The following LRRC8B variants were observed in gnomAD, a reference collection of about 807,000 sequenced individuals.
LRRC8B encodes volume-regulated anion channel subunit LRRC8B.
In LRRC8B, 23 loss-of-function variants were observed where a neutral mutation model predicts 58.8. The ratio of observed to expected loss-of-function variants is 0.39; its 90% CI spans 0.28 to 0.55. The LOEUF is 0.55. Among genes scored for constraint, LRRC8B ranks in the 20% least tolerant of loss-of-function variants. The pLI is 0.62. For missense variants in LRRC8B, 694 were observed against 936.0 expected (o/e 0.74, Z 3.37); for synonymous variants, 359 against 374.1 (o/e 0.96, Z 0.47).
intron 1 of LRRC8B, among the ~76,000 whole-genome samples, chr1:89,557,908 G>A (rs1652310897): frequency 6.6e-6 from 1 of 152,168 alleles, no homozygotes; most frequent in Admixed American, 6.5e-5. Flanking sequence ...ACTCTAACAT[G>A]TGCAGGGTTG....
chr1:89,562,827 A>T (rs1381988070), intron 1 of LRRC8B, among the ~76,000 whole-genome samples: 1 of 152,078 alleles, frequency 6.6e-6, no homozygotes, highest in East Asian at 1.9e-4. Flanking sequence ...GGGGGATCAC[A>T]TTCTCTCTCC....
At chr1:89,578,441 C>T (rs1654004475) in intron 3 of LRRC8B, among the ~76,000 whole-genome samples, 1 of 147,676 alleles carries the variant, frequency 6.8e-6, no homozygotes, top group Non-Finnish European at 1.5e-5. Flanking sequence ...AGAAATCTTA[C>T]TCCAGTTGTG....
At chr1:89,575,039 C>T (rs550429035) in intron 3 of LRRC8B, among the ~76,000 whole-genome samples, 1 of 152,142 alleles carries the variant, frequency 6.6e-6, no homozygotes, top group South Asian at 2.1e-4. Flanking sequence ...GGACTTCAAG[C>T]CTGAATTTGA....
At chr1:89,539,610 G>A (rs991903483) in intron 1 of LRRC8B, among the ~76,000 whole-genome samples, 1 of 152,126 alleles carries the variant, frequency 6.6e-6, no homozygotes, top group African/African-American at 2.4e-5. Context: ...AGAAATTAGG[G>A]CCACAGAAAC....
intron 1 of LRRC8B, among the ~76,000 whole-genome samples, chr1:89,543,699 T>C (rs112642583): frequency 0.012 from 1,823 of 151,898 alleles, 34 homozygotes; most frequent in African/African-American, 0.042. Context: ...TTTTGCCACA[T>C]TGGTCAGGCT....
In LRRC8B at chr1:89,525,031, G is replaced by A. The variant is rs1261811122; in HGVS notation, c.-241+9G>A. On this transcript the variant is annotated intron_variant, in intron 1 of 5. Coordinates refer to ENST00000330947, the MANE Select transcript of LRRC8B (RefSeq NM_001369817.2). ...GGGCTGGAGTCGCGCAGGTAGGTCG[G>A]AGCGTGACACCCCGGTTCCAGGAGG... 2.0e-5 allele frequency: 3 copies of A among 152,334 alleles called. No homozygotes were observed. Among genetic ancestry groups the A allele is most frequent in the Non-Finnish European group, 4.4e-5 (3 of 68,138 alleles). 9.4% of individuals were successfully genotyped at this position (152,334 alleles called of 1,614,324 possible).
At chr1:89,533,481 C>T (rs1482197984) in intron 1 of LRRC8B, among the ~76,000 whole-genome samples, 2 of 152,132 alleles carry the variant, frequency 1.3e-5, no homozygotes, top group African/African-American at 4.8e-5. Context: ...TGTTCCTTCC[C>T]TCTGTTTGGG....
At chr1:89,537,184 A>G (rs1650596670) in intron 1 of LRRC8B, among the ~76,000 whole-genome samples, 1 of 152,212 alleles carries the variant, frequency 6.6e-6, no homozygotes, top group Admixed American at 6.5e-5. Context: ...TTGAGGCTTG[A>G]GTTCAAGGCT....
At chr1:89,557,120 A>G (rs775831797) in intron 1 of LRRC8B, among the ~76,000 whole-genome samples, 3 of 152,186 alleles carry the variant, frequency 2.0e-5, no homozygotes, top group Non-Finnish European at 4.4e-5. Flanking sequence ...AGAATTTTCT[A>G]CTGAGATGGT....
intron 1 of LRRC8B, among the ~76,000 whole-genome samples, chr1:89,527,798 C>T (rs2100766682): frequency 6.6e-6 from 1 of 152,336 alleles, no homozygotes; most frequent in Admixed American, 6.5e-5. Flanking sequence ...TAGCTCCAAT[C>T]ACTGATCTCT....
intron 5 of LRRC8B, among the ~76,000 whole-genome samples, chr1:89,587,004 T>C (rs1421108733): frequency 1.3e-5 from 2 of 151,952 alleles, no homozygotes; most frequent in Non-Finnish European, 2.9e-5. Context: ...ATTTGAAAAA[T>C]TTACATGGAG....
Position 89,583,630 on chromosome 1 carries a change from G to T in LRRC8B, c.980G>T (p.Gly327Val). The T allele has an allele frequency of 1.2e-6, 2 of 1,612,874 alleles. No individual in the cohort carries two copies. The highest frequency in any genetic ancestry group is 1.7e-6 in the Non-Finnish European group (2 of 1,180,016). Residue 327 changes from glycine (G) to valine (V), a missense_variant, in exon 5 of 6, where the codon GGT (glycine) becomes GTT (valine). By Grantham distance (109) the Gly-to-Val change is moderately radical (BLOSUM62 -3). This residue lies in a region of LRRC8B where 316 missense variants were observed against 403.8 expected (regional missense o/e 0.78). Transcript: ENST00000330947. This position sits in a 1 kb window ranked among gnomAD's most constrained non-coding sequence, Gnocchi z 5.2. ...TATGTCATTTTGGTTATACTTTATG[G>T]TCTGACCTCTTCCTACAGCCTGTGG... ...SFYVILVILY[G>V]LTSSYSLWWM...
intron 1 of LRRC8B, among the ~76,000 whole-genome samples, chr1:89,566,927 T>G (rs1653084330): frequency 6.6e-6 from 1 of 152,200 alleles, no homozygotes; most frequent in South Asian, 2.1e-4. Context: ...TATCTCCAAA[T>G]CTTCCAGAAT....
intron 1 of LRRC8B, among the ~76,000 whole-genome samples, chr1:89,556,953 A>G (rs1652238065): frequency 2.0e-5 from 3 of 152,210 alleles, no homozygotes; most frequent in African/African-American, 7.2e-5. Context: ...GAATCTTTTA[A>G]AAAGCCTTCT....
intron 5 of LRRC8B, 74 bp from the exon 6 acceptor site, chr1:89,592,696 TG>T: frequency 1.2e-5 from 16 of 1,281,762 alleles, no homozygotes; most frequent in African/African-American, 1.5e-5. Context: ...TTTTTTTTTT[TG>T]GAAAAAAGGT....
At chr1:89,565,395 C>T (rs555350776) in intron 1 of LRRC8B, among the ~76,000 whole-genome samples, 1 of 36,546 alleles carries the variant, frequency 2.7e-5, no homozygotes, top group East Asian at 3.1e-4. Flanking sequence ...TTATAATGCA[C>T]CAGTCATGCT....
At chr1:89,569,378 C>T (rs892383625) in intron 3 of LRRC8B, among the ~76,000 whole-genome samples, 1 of 151,976 alleles carries the variant, frequency 6.6e-6, no homozygotes, top group Non-Finnish European at 1.5e-5. Context: ...TATTGCATGA[C>T]ACTGATGTTG....
chr1:89,549,995 A>G lies in LRRC8B; in HGVS notation c.-240-18252A>G, dbSNP rs556081288. On this transcript the variant is annotated intron_variant, in intron 1 of 5. Coordinates refer to ENST00000330947, the MANE Select transcript of LRRC8B (RefSeq NM_001369817.2). The stretch of plus-strand genomic sequence containing the variant: ...AGGTACTGCAAACTCAGTGTTTTAA[A>G]TAACACACTCATTAGCCCCCTTCAT... 2.4e-4 allele frequency: 37 copies of G among 152,250 alleles called. 1 individual carries two copies. The highest frequency in any genetic ancestry group is 1.9e-3 in the Admixed American group (29 of 15,282). The allele number at this position is 152,250 out of a possible 1,614,324, so 9.4% of individuals were successfully genotyped here.
chr1:89,596,468 A>G lies in LRRC8B; in HGVS notation c.*3425A>G, dbSNP rs893881863. The G allele has an allele frequency of 1.3e-5, 2 of 152,146 alleles. No homozygotes were observed. The highest frequency in any genetic ancestry group is 4.8e-5 in the African/African-American group (2 of 41,432). The allele number at this position is 152,146 out of a possible 1,614,324, so 9.4% of individuals were successfully genotyped here. A position where few individuals can be genotyped will look rare whatever the true frequency, so the allele number is the denominator to read the frequency against. ...TTTGCATAACATTGTTTGATAGTGA[A>G]AAATTTTTTTTCGGTTCAAGTGTTT... On this transcript the variant is annotated 3_prime_UTR_variant, in exon 6 of 6. Transcript: ENST00000330947.
Sources: allele counts gnomAD v4.1 joint callset (sites outside exome capture counted in the v4.1 genomes callset), GRCh38; gene constraint gnomAD v4.1.1; regional missense constraint gnomAD v4.1.1; non-coding constraint Gnocchi (gnomAD v3.1); transcripts MANE v1.5; gene names NCBI Gene and HGNC (gene_info 2026-07-23, HGNC 2026-07-21).